SMAD6: variants seen among roughly 807,000 people sequenced by gnomAD.
The protein encoded by SMAD6 is SMAD family member 6.
SMAD6 carries 103 observed loss-of-function variants against 39.4 expected under a neutral mutation model. That is an observed-to-expected ratio of 2.62 (90% CI 2.23 to 3.08). SMAD6 has a LOEUF of 3.08. SMAD6 is among the 30% of genes most tolerant of loss of function. The probability of loss-of-function intolerance (pLI) is 0.00; values close to 1 mark genes in which losing one functional copy is unlikely to be tolerated. For missense variants in SMAD6, 1,104 were observed against 742.9 expected, an observed-to-expected ratio of 1.49 and a Z score of -5.65; for synonymous variants, 445 against 353.3, an observed-to-expected ratio of 1.26 and a Z score of -2.91.
chr15:66,729,714 T>G (rs1367679781), intron 3 of SMAD6, among the ~76,000 whole-genome samples: 2 of 152,208 alleles, frequency 1.3e-5, no homozygotes, highest in Non-Finnish European at 2.9e-5. Flanking sequence ...TCTTGGGTGC[T>G]TTGATGGGTT....
At chr15:66,715,851 T>G (rs892420910) in intron 2 of SMAD6, among the ~76,000 whole-genome samples, 7 of 132,378 alleles carry the variant, frequency 5.3e-5, no homozygotes, top group African/African-American at 1.5e-4. Context: ...TGTTAGGGAG[T>G]GGGGGAGGGG....
chr15:66,747,672 C>T lies in SMAD6; in HGVS notation c.952+31174C>T, dbSNP rs1456525445. On this transcript the variant is annotated intron_variant, in intron 3 of 3. Coordinates refer to ENST00000288840, the MANE Select transcript of SMAD6 (RefSeq NM_005585.5). This position sits in a 1 kb window ranked among gnomAD's most constrained non-coding sequence, Gnocchi z 4.5. ...ACGGTTTCCCCCTTAGTCATACCTACCTAGGATAATTGGAAAATGAGGAGT... is the reference window on the plus strand; with the variant it reads ...ACGGTTTCCCCCTTAGTCATACCTATCTAGGATAATTGGAAAATGAGGAGT... Among the ~76,000 whole-genome samples, 3 of 152,200 alleles carry T rather than the reference C, an allele frequency of 2.0e-5. No homozygotes were observed. Among genetic ancestry groups the T allele is most frequent in the Non-Finnish European group, 4.4e-5 (3 of 68,026 alleles).
rs922353938 is a variant in SMAD6 at position 66,781,481 on chromosome 15, G to T, written c.1437G>T (p.Gln479His). The change falls in exon 4 of 4, where the codon CAG becomes CAT. Residue 479 changes from glutamine (Q) to histidine (H), a missense_variant. Coordinates refer to ENST00000288840, the MANE Select transcript of SMAD6 (RefSeq NM_005585.5). Reference sequence around the variant, plus strand: ...GCTGGGGGCCCTGCTACTCCCGGCAGTTCATCACCTCCTGCCCCTGCTGGC... The same window carrying T: ...GCTGGGGGCCCTGCTACTCCCGGCATTTCATCACCTCCTGCCCCTGCTGGC... ...AKGWGPCYSRQFITSCPCWLE... is the reference protein window; with the variant it reads ...AKGWGPCYSRHFITSCPCWLE... 2 of 1,595,896 alleles carry T rather than the reference G, an allele frequency of 1.3e-6. No homozygotes were observed. Among genetic ancestry groups the T allele is most frequent in the Non-Finnish European group, 1.7e-6 (2 of 1,173,292 alleles).
At chr15:66,753,931 G>C (rs1894053098) in intron 3 of SMAD6, among the ~76,000 whole-genome samples, 1 of 152,226 alleles carries the variant, frequency 6.6e-6, no homozygotes, top group African/African-American at 2.4e-5. Flanking sequence ...GGGGCAGTGT[G>C]CAGGGTGCCT....
rs772929732 is a variant in SMAD6, at chr15:66,728,732, G to A, written c.952+12234G>A. Among the ~76,000 whole-genome samples the A allele has an allele frequency of 5.9e-5, 9 of 152,256 alleles. No homozygotes were observed. The East Asian group carries it at 1.4e-3, about 23-fold the overall frequency. ...ATCCATATTGTTGTTGTGTATTGCC[G>A]ATTGCTCATTCTCACTGCCAGATAA... On this transcript the variant is annotated intron_variant, in intron 3 of 3. Transcript: ENST00000288840.
At chr15:66,753,522 A>G (rs1461397808) in intron 3 of SMAD6, among the ~76,000 whole-genome samples, 1 of 152,100 alleles carries the variant, frequency 6.6e-6, no homozygotes, top group Non-Finnish European at 1.5e-5. Context: ...AGTCCATTCC[A>G]TAGATGGAGA....
chr15:66,709,856 A>T (rs1893193303), intron 1 of SMAD6, among the ~76,000 whole-genome samples: 1 of 152,162 alleles, frequency 6.6e-6, no homozygotes, highest in Non-Finnish European at 1.5e-5. Context: ...TCTTATCCTG[A>T]GAGGCTGGTC....
At chr15:66,754,918 G>A (rs925659575) in intron 3 of SMAD6, among the ~76,000 whole-genome samples, 1 of 152,118 alleles carries the variant, frequency 6.6e-6, no homozygotes, top group African/African-American at 2.4e-5. Flanking sequence ...AGCTCACCAA[G>A]CAGATAAGAT....
chr15:66,739,186 G>A (rs756551961), intron 3 of SMAD6, among the ~76,000 whole-genome samples: 15 of 151,264 alleles, frequency 9.9e-5, no homozygotes, highest in Admixed American at 2.0e-4. Flanking sequence ...CGCCTCCCAG[G>A]TTCAAGTGAT....
intron 3 of SMAD6, among the ~76,000 whole-genome samples, chr15:66,743,142 C>G (rs554466222): frequency 6.6e-6 from 1 of 152,284 alleles, no homozygotes; most frequent in African/African-American, 2.4e-5. Flanking sequence ...ATGCTCCCAC[C>G]AGCCAGAGAC....
intron 3 of SMAD6, among the ~76,000 whole-genome samples, chr15:66,760,519 A>G (rs1894180336): frequency 6.6e-6 from 1 of 152,222 alleles, no homozygotes; most frequent in Non-Finnish European, 1.5e-5. Flanking sequence ...TTAGTACTTT[A>G]GTCCCTTTCC....
chr15:66,724,296 A>ATGAC (rs1233230479), intron 3 of SMAD6, among the ~76,000 whole-genome samples: 2 of 151,912 alleles, frequency 1.3e-5, no homozygotes, highest in East Asian at 3.9e-4. Flanking sequence ...GAATGAATGA[A>ATGAC]TGAATGAATG....
chr15:66,772,079 C>T (rs555367715), intron 3 of SMAD6, among the ~76,000 whole-genome samples: 95 of 152,290 alleles, frequency 6.2e-4, no homozygotes, highest in African/African-American at 2.3e-3. Flanking sequence ...TTGCAGAACC[C>T]CCACGTGGCT....
intron 3 of SMAD6, among the ~76,000 whole-genome samples, chr15:66,771,471 GC>G (rs1209993887): frequency 1.3e-5 from 2 of 152,204 alleles, no homozygotes; most frequent in Non-Finnish European, 2.9e-5. Context: ...TGAAAGAAAG[GC>G]CTTTCTGCAG....
At chr15:66,735,501 T>C (rs1054387064) in intron 3 of SMAD6, among the ~76,000 whole-genome samples, 1 of 152,230 alleles carries the variant, frequency 6.6e-6, no homozygotes, top group Non-Finnish European at 1.5e-5. Flanking sequence ...AAAATCTTGA[T>C]AACTGTTGAA....
intron 3 of SMAD6, among the ~76,000 whole-genome samples, chr15:66,721,575 G>C (rs188550317): frequency 4.9e-4 from 75 of 152,294 alleles, no homozygotes; most frequent in Admixed American, 1.1e-3. Context: ...GTGACCTTGG[G>C]AGAGCCACTC....
At chr15:66,711,571 G>A in intron 1 of SMAD6, 97 bp from the exon 2 acceptor site, 1 of 952,988 alleles carries the variant, frequency 1.0e-6, no homozygotes, top group Middle Eastern at 2.1e-4. Flanking sequence ...CCTGGAGGCT[G>A]AGTTTATTAT....
rs759884000 is a variant in SMAD6, at chr15:66,781,307, C to T, written c.1263C>T (p.Gly421=). ...FVNSPTLDAP[G]GRALVVRKVP... ...ACTCCCCGACGCTGGACGCGCCCGG[C>T]GGCCGCGCCCTGGTCGTGCGCAAGG... Residue 421 remains glycine (G), a synonymous_variant, in exon 4 of 4, where the codon GGC becomes GGT. Coordinates refer to ENST00000288840, the MANE Select transcript of SMAD6 (RefSeq NM_005585.5). The T allele has an allele frequency of 9.4e-6, 15 of 1,601,258 alleles. 1 individual carries two copies. The highest frequency in any genetic ancestry group is 8.8e-5 in the South Asian group (8 of 90,860).
chr15:66,702,437 A>AGGGGGGGCGACC lies in SMAD6; in HGVS notation c.-821_-810dup, dbSNP rs1595755268. 1 of 30,264 alleles carries AGGGGGGGCGACC rather than the reference A, an allele frequency of 3.3e-5. No homozygotes were observed. Among genetic ancestry groups the AGGGGGGGCGACC allele is most frequent in the Admixed American group, 3.4e-4 (1 of 2,914 alleles). The allele number at this position is 30,264 out of a possible 1,614,324, so 1.9% of individuals were successfully genotyped here. ...CGGGAGGCACTTTTGTGGAGGGGGG[A>AGGGGGGGCGACC]GGGGGGGCGACCTCGGCAGCCTCGG... On this transcript the variant is annotated 5_prime_UTR_variant, in exon 1 of 4. Transcript: ENST00000288840.
Sources: gnomAD v4.1 joint callset for allele counts (sites outside exome capture counted in the v4.1 genomes callset) on GRCh38, gnomAD v4.1.1 for gene constraint, Gnocchi (gnomAD v3.1) non-coding constraint, MANE v1.5 for transcripts, NCBI Gene and HGNC (gene_info 2026-07-23, HGNC 2026-07-21) for gene names.